Variants in ADAMTSL2 observed in about 807,000 individuals in gnomAD.
The protein encoded by ADAMTSL2 is ADAMTS-like protein 2.
In ADAMTSL2, 55 loss-of-function variants were observed where a neutral mutation model predicts 117.0. The observed-to-expected ratio is 0.47, with a 90% CI of 0.38 to 0.59. The LOEUF is 0.59. Among genes scored for constraint, ADAMTSL2 ranks in the 20% least tolerant of loss-of-function variants. The pLI is 0.00. For synonymous variants in ADAMTSL2, 572 were observed against 566.4 expected (o/e 1.01, Z -0.14); for missense variants, 1,182 against 1,354.5 (o/e 0.87, Z 2.00).
At position 133,569,536 on chromosome 9, in the gene ADAMTSL2, CA is replaced by C; in HGVS notation, c.2378del (p.Asn793ThrfsTer81). The C allele has an allele frequency of 6.2e-7, 1 of 1,602,092 alleles. No homozygotes were observed. Among genetic ancestry groups the C allele is most frequent in the Non-Finnish European group, 8.5e-7 (1 of 1,174,116 alleles). On this transcript the variant is annotated frameshift_variant, in exon 16 of 19. Coordinates refer to ENST00000651351, the MANE Select transcript of ADAMTSL2 (RefSeq NM_014694.4). LOFTEE classifies it high-confidence loss of function. ...CTCTGGCCATCCACCCCTGTGGGGACAAAAACTGTCCCGCCCACTGGCTGGC... is the reference window on the plus strand; with the variant it reads ...CTCTGGCCATCCACCCCTGTGGGGACAAAACTGTCCCGCCCACTGGCTGGC... Reference protein sequence around the residue: ...KPLAIHPCGDKNCPAHWLAQD... With the variant: ...KPLAIHPCGDXNCPAHWLAQD...
At position 133,573,996 on chromosome 9, in the gene ADAMTSL2, C is replaced by CCTCCCCA; in HGVS notation, c.2737+9_2737+10insCTCCCCA. ...CCCCACGGAGCCCCCAGGTGAGGCGCGGGGAGGCCGAGGGTGGCTCTGGGA... is the reference window on the plus strand; with the variant it reads ...CCCCACGGAGCCCCCAGGTGAGGCGCCTCCCCAGGGGAGGCCGAGGGTGGCTCTGGGA... On this transcript the variant is annotated intron_variant, in intron 18 of 18. Transcript: ENST00000651351. 1 of 1,610,074 alleles carries CCTCCCCA rather than the reference C, an allele frequency of 6.2e-7. No individual in the cohort carries two copies. The highest frequency in any genetic ancestry group is 1.3e-5 in the African/African-American group (1 of 74,986).
intron 7 of ADAMTSL2, among the ~76,000 whole-genome samples, chr9:133,542,902 C>T (rs377341443): frequency 2.0e-5 from 3 of 152,230 alleles, no homozygotes; most frequent in Admixed American, 6.5e-5. Flanking sequence ...TATTTAAATA[C>T]ATTATATTTA....
In ADAMTSL2 at chr9:133,538,334, G is replaced by T. The variant is rs377161922; in HGVS notation, c.234-15G>T. ...CCTCTGCAGCCCTCACTCCGAGCCT[G>T]CATCTTTCTGCCAGGAGGAAGTCCG... On this transcript the variant is annotated splice_polypyrimidine_tract_variant and intron_variant, in intron 3 of 18. Coordinates refer to ENST00000651351, the MANE Select transcript of ADAMTSL2 (RefSeq NM_014694.4). The T allele has an allele frequency of 1.2e-5, 20 of 1,613,268 alleles. No individual in the cohort carries two copies. Among genetic ancestry groups the T allele is most frequent in the Non-Finnish European group, 1.7e-5 (20 of 1,180,006 alleles).
rs1200077470 is a variant in ADAMTSL2, at chr9:133,562,773, G to A, written c.1747+1478G>A. On this transcript the variant is annotated intron_variant, in intron 12 of 18. Transcript: ENST00000651351. ...GCACCGGCTTGGCCAGGCTCGCACCGCTGTGGGCGGCGTGGTGGGCACCGG... is the reference window on the plus strand; with the variant it reads ...GCACCGGCTTGGCCAGGCTCGCACCACTGTGGGCGGCGTGGTGGGCACCGG... Among the ~76,000 whole-genome samples the A allele has an allele frequency of 5.0e-5, 6 of 119,220 alleles. No individual in the cohort carries two copies. In the East Asian group the frequency reaches 9.8e-4, roughly 20 times the overall value. The allele number at this position is 119,220 out of a possible 152,430, so 78.2% of individuals were successfully genotyped here. A position where few individuals can be genotyped will look rare whatever the true frequency, so the allele number is the denominator to read the frequency against.
intron 8 of ADAMTSL2, 134 bp downstream of exon 8, chr9:133,544,684 C>T (rs1387510159): frequency 6.0e-6 from 5 of 831,390 alleles, no homozygotes; most frequent in African/African-American, 5.0e-5. Context: ...GGCATGGCTG[C>T]AGGAGCCAGA....
intron 5 of ADAMTSL2, 79 bp downstream of exon 5, chr9:133,539,952 A>G: frequency 7.5e-7 from 1 of 1,330,354 alleles, no homozygotes; most frequent in Middle Eastern, 1.8e-4. Flanking sequence ...CTGGGACCAA[A>G]CTCGACGGGT....
chr9:133,568,720 C>T lies in ADAMTSL2; in HGVS notation c.2206C>T (p.Pro736Ser). 6.2e-7 allele frequency: 1 copy of T among 1,613,236 alleles called. No individual in the cohort carries two copies. The highest frequency in any genetic ancestry group is 8.5e-7 in the Non-Finnish European group (1 of 1,179,988). The change falls in exon 15 of 19, where the codon CCC becomes TCC. Residue 736 changes from proline to serine, a missense_variant. By Grantham distance (74) the Pro-to-Ser change is moderately conservative (BLOSUM62 -1). Around this residue, in one of 3 missense-constraint regions of ADAMTSL2, gnomAD observed 465 missense variants for 565.3 expected, o/e 0.82. Transcript: ENST00000651351. ...PVGEKNCTGPPCDRQWTVSDW... is the reference protein window; with the variant it reads ...PVGEKNCTGPSCDRQWTVSDW... Reference sequence around the variant, plus strand: ...AGGGGAGAAGAACTGCACGGGCCCGCCCTGTGACCGGCAGTGGACCGTCTC... The same window carrying T: ...AGGGGAGAAGAACTGCACGGGCCCGTCCTGTGACCGGCAGTGGACCGTCTC...
At position 133,566,415 on chromosome 9, in the gene ADAMTSL2, T is replaced by C. The variant is rs1830974206; in HGVS notation, c.1748-521T>C. ...GAGATTGCACCATTGCACTACAGCC[T>C]GGGCCACGGAGTGAGGCTCCATCTC... On this transcript the variant is annotated intron_variant, in intron 12 of 18. Coordinates refer to ENST00000651351, the MANE Select transcript of ADAMTSL2 (RefSeq NM_014694.4). Among the ~76,000 whole-genome samples the C allele has an allele frequency of 2.0e-5, 3 of 152,226 alleles. No individual in the cohort carries two copies. In the East Asian group the frequency reaches 5.8e-4, roughly 29 times the overall value.
intron 7 of ADAMTSL2, among the ~76,000 whole-genome samples, chr9:133,543,041 T>A (rs534485293): frequency 2.0e-5 from 3 of 152,210 alleles, no homozygotes; most frequent in Non-Finnish European, 4.4e-5. Context: ...CTCCGCCTTC[T>A]GGGTTCCAGC....
intron 11 of ADAMTSL2, among the ~76,000 whole-genome samples, chr9:133,559,543 G>A (rs1830681549): frequency 1.3e-5 from 2 of 149,300 alleles, no homozygotes; most frequent in Admixed American, 6.7e-5. Context: ...TAGTAGAGAC[G>A]GGGTTTCACC....
At chr9:133,570,299 GC>G in intron 16 of ADAMTSL2, 31 bp from the exon 17 acceptor site, 1 of 1,536,644 alleles carries the variant, frequency 6.5e-7, no homozygotes, top group East Asian at 2.4e-5. Context: ...CTGGGCCCTG[GC>G]GCTGACCCGC....
chr9:133,555,941 C>T lies in ADAMTSL2; in HGVS notation c.1649+11C>T. On this transcript the variant is annotated intron_variant, in intron 11 of 18. Transcript: ENST00000651351. ...GACTCACAAGGCCAGGTAGGAGGCA[C>T]TTTCCTGAGCCCTGTCCAGGGCCCT... is the stretch of plus-strand genomic sequence containing the variant. 6.2e-7 allele frequency: 1 copy of T among 1,608,904 alleles called. No homozygotes were observed. Among genetic ancestry groups the T allele is most frequent in the Non-Finnish European group, 8.5e-7 (1 of 1,179,688 alleles).
At position 133,540,612 on chromosome 9, in the gene ADAMTSL2, A is replaced by G. The variant is rs773901514; in HGVS notation, c.427A>G (p.Ile143Val). The part of the protein sequence containing the change: ...KPLYPDDYVH[I>V]SSKPCDLHCT... ...CCCTCCACCAGATGACTATGTCCAC[A>G]TCTCCAGCAAACCGTGTGACCTGCA... Residue 143 changes from isoleucine to valine, a missense_variant, in exon 6 of 19, where the codon ATC (isoleucine) becomes GTC (valine). Physicochemically the swap from Ile to Val is conservative, Grantham distance 29. Transcript: ENST00000651351. The G allele has an allele frequency of 1.4e-5, 23 of 1,613,574 alleles. No homozygotes were observed. The highest frequency in any genetic ancestry group is 1.9e-5 in the Non-Finnish European group (22 of 1,180,026).
At chr9:133,546,696 C>T (rs571443708) in intron 8 of ADAMTSL2, among the ~76,000 whole-genome samples, 1 of 152,214 alleles carries the variant, frequency 6.6e-6, no homozygotes, top group African/African-American at 2.4e-5. Flanking sequence ...CACAGACTCT[C>T]CTGCTCCAGA....
chr9:133,536,904 GC>G, intron 2 of ADAMTSL2, 102 bp downstream of exon 2: 1 of 1,561,578 alleles, frequency 6.4e-7, no homozygotes, highest in South Asian at 1.2e-5. Context: ...GTGGGCACGT[GC>G]CCCAGGTCCC....
At chr9:133,562,537 C>CCAGGCTCGCA (rs1830756098) in intron 12 of ADAMTSL2, among the ~76,000 whole-genome samples, 1 of 119,040 alleles carries the variant, frequency 8.4e-6, no homozygotes, top group Non-Finnish European at 1.8e-5. Context: ...CCCGGCTGGG[C>CCAGGCTCGCA]CCGGCTCGCA....
rs1163792832 is a variant in ADAMTSL2, at chr9:133,568,571, A to AC, written c.2089-25dup. The AC allele has an allele frequency of 1.1e-3, 1,752 of 1,552,892 alleles. 4 individuals carry two copies. The highest frequency in any genetic ancestry group is 1.4e-3 in the Non-Finnish European group (1,613 of 1,149,230). ...ATGGAGGTGGCTACACCTGTGTCAC[A>AC]CCCCCCCTGCCCCCTCCCCCTGCCG... is the stretch of plus-strand genomic sequence containing the variant. On this transcript the variant is annotated intron_variant, in intron 14 of 18. Transcript: ENST00000651351.
Position 133,557,393 on chromosome 9 carries a change from C to T in ADAMTSL2, c.1649+1463C>T, listed in dbSNP as rs2131145046. On this transcript the variant is annotated intron_variant, in intron 11 of 18. Coordinates refer to ENST00000651351, the MANE Select transcript of ADAMTSL2 (RefSeq NM_014694.4). This position sits in a 1 kb window ranked among gnomAD's most constrained non-coding sequence, Gnocchi z 5.2. ...GGGCCTCGGAGCCTCCTCTGGCTGC[C>T]CCTCTTCCCACAGGGGTGGCACAGG... Among the ~76,000 whole-genome samples the T allele has an allele frequency of 6.6e-6, 1 of 152,320 alleles. No individual in the cohort carries two copies. The highest frequency in any genetic ancestry group is 1.9e-4 in the East Asian group (1 of 5,182).
chr9:133,565,432 C>T lies in ADAMTSL2; in HGVS notation c.1748-1504C>T, dbSNP rs952436102. On this transcript the variant is annotated intron_variant, in intron 12 of 18. Transcript: ENST00000651351. The stretch of plus-strand genomic sequence containing the variant: ...AGCGAATGAATAACCAGGCACTTGG[C>T]GATGGTCTGCAAGTCCCCAGCCCCG... Among the ~76,000 whole-genome samples, 8 of 152,246 alleles carry T rather than the reference C, an allele frequency of 5.3e-5. No individual in the cohort carries two copies. In the East Asian group the frequency reaches 1.2e-3, roughly 22 times the overall value.
Sources: allele counts gnomAD v4.1 joint callset (sites outside exome capture counted in the v4.1 genomes callset), GRCh38; gene constraint gnomAD v4.1.1; regional missense constraint gnomAD v4.1.1; non-coding constraint Gnocchi (gnomAD v3.1); transcripts MANE v1.5; gene names NCBI Gene and HGNC (gene_info 2026-07-23, HGNC 2026-07-21).